The following TRPC1 variants were observed in gnomAD, a reference collection of about 807,000 sequenced individuals.
TRPC1 encodes transient receptor potential cation channel subfamily C member 1, also known as short transient receptor potential channel 1.
Under a neutral mutation model 88.2 loss-of-function variants are expected in TRPC1, and 42 were observed. That is an observed-to-expected ratio of 0.48 (90% CI 0.37 to 0.62). TRPC1 has a LOEUF of 0.62. TRPC1 is among the 20% of genes least tolerant of loss of function. The pLI, the probability that TRPC1 is intolerant of heterozygous loss-of-function variation, is 0.00. For synonymous variants in TRPC1, 288 were observed against 331.8 expected (o/e 0.87, Z 1.43); for missense variants, 699 against 957.3 (o/e 0.73, Z 3.56).
intron 4 of TRPC1, among the ~76,000 whole-genome samples, chr3:142,768,692 G>A (rs1935478266): frequency 6.6e-6 from 1 of 151,690 alleles, no homozygotes. Flanking sequence ...TTTTCTTTGT[G>A]TTAAAAAAGT....
chr3:142,768,848 G>T lies in TRPC1; in HGVS notation c.633-8784G>T, dbSNP rs1169403007. ...AACTTTGCTTTCCCATTTTCTTTGT[G>T]CTATTATTTTCACATATATTACATC... On this transcript the variant is annotated intron_variant, in intron 4 of 12. Coordinates refer to ENST00000476941, the MANE Select transcript of TRPC1 (RefSeq NM_001251845.2). 4.0e-5 allele frequency among the ~76,000 whole-genome samples: 6 copies of T among 151,870 alleles called. No individual in the cohort carries two copies. In the South Asian group the frequency reaches 1.3e-3, roughly 32 times the overall value.
At chr3:142,805,949 C>A in intron 12 of TRPC1, 59 bp from the exon 13 acceptor site, 1 of 1,473,884 alleles carries the variant, frequency 6.8e-7, no homozygotes, top group Non-Finnish European at 9.3e-7. Context: ...TATTTTTGAA[C>A]TCTACCTCAT....
intron 1 of TRPC1, among the ~76,000 whole-genome samples, chr3:142,733,649 A>G (rs1006666915): frequency 2.0e-5 from 3 of 152,356 alleles, no homozygotes; most frequent in Non-Finnish European, 4.4e-5. Context: ...ATAAAATGTC[A>G]TAAGGATTTA....
chr3:142,761,027 T>C (rs1043577535), intron 4 of TRPC1, among the ~76,000 whole-genome samples: 2 of 152,158 alleles, frequency 1.3e-5, no homozygotes, highest in African/African-American at 4.8e-5. Flanking sequence ...GATCATGTCA[T>C]CTGAGAACAA....
chr3:142,724,513 TG>T lies in TRPC1; in HGVS notation c.-42del, dbSNP rs1933575416. On this transcript the variant is annotated 5_prime_UTR_variant, in exon 1 of 13. Transcript: ENST00000476941. This position sits in a 1 kb window ranked among gnomAD's most constrained non-coding sequence, Gnocchi z 5.6. ...GGGTCGGGGTCGGGGTCGGGGCCGGTGGGGGCCCCGCCCCCGTCTCCTGGCC... is the reference window on the plus strand; with the variant it reads ...GGGTCGGGGTCGGGGTCGGGGCCGGTGGGGCCCCGCCCCCGTCTCCTGGCC... 2.8e-6 allele frequency: 4 copies of T among 1,448,834 alleles called. No individual in the cohort carries two copies. The highest frequency in any genetic ancestry group is 2.8e-5 in the East Asian group (1 of 36,148). 89.7% of individuals were successfully genotyped at this position (1,448,834 alleles called of 1,614,324 possible). A position where few individuals can be genotyped will look rare whatever the true frequency, so the allele number is the denominator to read the frequency against.
intron 3 of TRPC1, among the ~76,000 whole-genome samples, chr3:142,747,809 A>ATAAG (rs2108044728): frequency 6.6e-6 from 1 of 152,316 alleles, no homozygotes; most frequent in African/African-American, 2.4e-5. Context: ...TGTCAATGTG[A>ATAAG]TAAGGTTTGC....
In TRPC1 at chr3:142,792,690, TATAAAAC is replaced by T; in HGVS notation, c.1438-129_1438-123del. On this transcript the variant is annotated intron_variant, in intron 8 of 12. Transcript: ENST00000476941. This position sits in a 1 kb window ranked among gnomAD's most constrained non-coding sequence, Gnocchi z 4.0. ...TATTATTTCTATTTTTAAAAAACCC[TATAAAAC>T]ATAAGTGGAGATCCCCTATAAGAAG... is the stretch of plus-strand genomic sequence containing the variant. 1 of 666,166 alleles carries T rather than the reference TATAAAAC, an allele frequency of 1.5e-6. No homozygotes were observed. The highest frequency in any genetic ancestry group is 5.6e-5 in the South Asian group (1 of 17,804). The allele number at this position is 666,166 out of a possible 1,614,324, so 41.3% of individuals were successfully genotyped here. A position where few individuals can be genotyped will look rare whatever the true frequency, so the allele number is the denominator to read the frequency against.
intron 6 of TRPC1, among the ~76,000 whole-genome samples, chr3:142,783,066 C>T (rs1936014523): frequency 6.6e-6 from 1 of 152,220 alleles, no homozygotes; most frequent in African/African-American, 2.4e-5. Flanking sequence ...TTTTGACTTC[C>T]TCCTTCCCCA....
intron 4 of TRPC1, among the ~76,000 whole-genome samples, chr3:142,756,120 T>C (rs1434178756): frequency 2.6e-5 from 4 of 152,220 alleles, no homozygotes; most frequent in Admixed American, 1.3e-4. Flanking sequence ...AGTATTCCAT[T>C]GTATGGTTAT....
At chr3:142,785,143 C>G in intron 7 of TRPC1, 103 bp downstream of exon 7, 8 of 924,626 alleles carry the variant, frequency 8.7e-6, no homozygotes, top group Non-Finnish European at 1.3e-5. Flanking sequence ...CAATTTTACA[C>G]TGTTCACACC....
chr3:142,781,203 A>G (rs1935947872), intron 6 of TRPC1, among the ~76,000 whole-genome samples, 174 bp downstream of exon 6: 1 of 152,210 alleles, frequency 6.6e-6, no homozygotes, highest in Admixed American at 6.5e-5. Context: ...ATAATTAATT[A>G]AGAATATATA....
chr3:142,762,522 G>A (rs1002852768), intron 4 of TRPC1, among the ~76,000 whole-genome samples: 2 of 144,954 alleles, frequency 1.4e-5, no homozygotes, highest in Non-Finnish European at 1.5e-5. Flanking sequence ...TCCACCTCCC[G>A]GGTTGAAGCA....
chr3:142,794,237 G>A (rs1403683738), intron 9 of TRPC1, among the ~76,000 whole-genome samples: 1 of 151,982 alleles, frequency 6.6e-6, no homozygotes, highest in Non-Finnish European at 1.5e-5. Context: ...AGAGTCTACA[G>A]TGTTTTTACA....
At chr3:142,746,865 A>C (rs1250177199) in intron 3 of TRPC1, among the ~76,000 whole-genome samples, 4 of 152,172 alleles carry the variant, frequency 2.6e-5, no homozygotes, top group Non-Finnish European at 5.9e-5. Context: ...CAAAAAAAAA[A>C]AAACTGGTCA....
Position 142,792,963 on chromosome 3 carries a change from T to G in TRPC1, c.1577T>G (p.Leu526Ter), listed in dbSNP as rs1292716037. Residue 526 changes from leucine (L) to a stop codon, truncating the protein, a stop_gained, in exon 9 of 13, where the codon TTA becomes TGA. Transcript: ENST00000476941. LOFTEE classifies it high-confidence loss of function. The surrounding 1 kb of genome is among the most constrained non-coding windows in gnomAD (Gnocchi z 4.0). The part of the protein sequence containing the change: ...MYTTSSILGP[L>*]QISMGQMLQD... ...ACAACCAGCTCTATCTTGGGTCCAT[T>G]ACAGGTAAATAATTAAAATTTCTTA... 6.4e-7 allele frequency: 1 copy of G among 1,573,012 alleles called. No homozygotes were observed. Among genetic ancestry groups the G allele is most frequent in the Admixed American group, 2.0e-5 (1 of 49,828 alleles).
chr3:142,725,207 C>T (rs149499017), intron 1 of TRPC1, among the ~76,000 whole-genome samples: 1 of 152,174 alleles, frequency 6.6e-6, no homozygotes, highest in Non-Finnish European at 1.5e-5. Flanking sequence ...AAAAACAAAA[C>T]CAGACCCTCT....
intron 4 of TRPC1, among the ~76,000 whole-genome samples, chr3:142,763,478 A>G (rs887155437): frequency 4.0e-5 from 6 of 151,808 alleles, no homozygotes; most frequent in African/African-American, 1.5e-4. Context: ...TTTGTAGTCT[A>G]TTTTATCTGA....
At chr3:142,727,080 C>T (rs1402841967) in intron 1 of TRPC1, among the ~76,000 whole-genome samples, 1 of 152,196 alleles carries the variant, frequency 6.6e-6, no homozygotes, top group East Asian at 1.9e-4. Flanking sequence ...AATGAGTGAA[C>T]ATCATTTGTG....
At chr3:142,736,241 A>G in intron 1 of TRPC1, 138 bp from the exon 2 acceptor site, 5 of 550,404 alleles carry the variant, frequency 9.1e-6, no homozygotes, top group Non-Finnish European at 1.5e-5. Flanking sequence ...AAATGTTCAC[A>G]TTCTCTGTGT....
Sources: allele counts gnomAD v4.1 joint callset (sites outside exome capture counted in the v4.1 genomes callset), GRCh38; gene constraint gnomAD v4.1.1; non-coding constraint Gnocchi (gnomAD v3.1); transcripts MANE v1.5; gene names NCBI Gene and HGNC (gene_info 2026-07-23, HGNC 2026-07-21).